RPTOR: variants seen among roughly 807,000 people sequenced by gnomAD.
RPTOR encodes regulatory associated protein of MTOR complex 1, also known as regulatory-associated protein of mTOR.
A neutral mutation model predicts 169.9 loss-of-function variants in RPTOR; 21 were observed. That is an observed-to-expected ratio of 0.12 (90% CI 0.09 to 0.18). The LOEUF (loss-of-function observed/expected upper bound fraction) is 0.18, where lower values mean the gene tolerates loss of function less well. Ranked by LOEUF, RPTOR falls within the 10% of genes least tolerant of loss-of-function variation. The pLI is 1.00. For missense variants in RPTOR, 1,133 were observed against 1,855.9 expected (o/e 0.61, Z 7.16); for synonymous variants, 732 against 753.2 (o/e 0.97, Z 0.46).
chr17:80,916,034 C>T (rs1034243796), intron 21 of RPTOR, among the ~76,000 whole-genome samples: 2 of 152,184 alleles, frequency 1.3e-5, no homozygotes, highest in African/African-American at 4.8e-5. Context: ...CTTCAGCTTG[C>T]TTAACCTCCA....
rs550614039 is a variant in RPTOR at position 80,964,197 on chromosome 17, C to A, written c.3940-65C>A. On this transcript the variant is annotated intron_variant, in intron 33 of 33. Transcript: ENST00000306801. ...CCTAAGGATGCGGGTTGGCCTGCGCCCCCCCGCCCCCCGCAGTGTCTGCCC... is the reference window on the plus strand; with the variant it reads ...CCTAAGGATGCGGGTTGGCCTGCGCACCCCCGCCCCCCGCAGTGTCTGCCC... 75 of 1,117,326 alleles carry A rather than the reference C, an allele frequency of 6.7e-5. No individual in the cohort carries two copies. The South Asian group carries it at 8.6e-4, about 13-fold the overall frequency. 69.2% of individuals were successfully genotyped at this position (1,117,326 alleles called of 1,614,324 possible). A position where few individuals can be genotyped will look rare whatever the true frequency, so the allele number is the denominator to read the frequency against.
chr17:80,737,113 C>T (rs1174443133), intron 5 of RPTOR, among the ~76,000 whole-genome samples: 1 of 152,200 alleles, frequency 6.6e-6, no homozygotes. Flanking sequence ...CTGTTTCCTC[C>T]AGCATAATTT....
intron 1 of RPTOR, among the ~76,000 whole-genome samples, chr17:80,605,886 T>C (rs141890796): frequency 1.9e-4 from 29 of 152,310 alleles, no homozygotes; most frequent in African/African-American, 6.7e-4. Context: ...TAGCTCTGGA[T>C]CTGATTGTCC....
intron 1 of RPTOR, among the ~76,000 whole-genome samples, chr17:80,617,141 A>G (rs907903076): frequency 6.6e-6 from 1 of 152,224 alleles, no homozygotes; most frequent in African/African-American, 2.4e-5. Flanking sequence ...CAGAAGGGCC[A>G]GGTACAAAGA....
rs533055176 is a variant in RPTOR, at chr17:80,899,724, T to C, written c.2401+5859T>C. ...GCGTGTAGGTGAATGAACTTGGCCA[T>C]GTTGCTATGTAACCGTGTGGACTGA... On this transcript the variant is annotated intron_variant, in intron 20 of 33. Coordinates refer to ENST00000306801, the MANE Select transcript of RPTOR (RefSeq NM_020761.3). 3.3e-5 allele frequency among the ~76,000 whole-genome samples: 5 copies of C among 152,374 alleles called. No homozygotes were observed. In the South Asian group the frequency reaches 6.2e-4, roughly 19 times the overall value.
intron 13 of RPTOR, among the ~76,000 whole-genome samples, chr17:80,859,821 C>A (rs951786877): frequency 7.9e-5 from 12 of 152,222 alleles, no homozygotes; most frequent in African/African-American, 2.9e-4. Flanking sequence ...ATTCCTAAGT[C>A]CCCTGTGAAG....
At chr17:80,674,834 C>T (rs1404380248) in intron 3 of RPTOR, among the ~76,000 whole-genome samples, 1 of 137,118 alleles carries the variant, frequency 7.3e-6, no homozygotes, top group Admixed American at 7.4e-5. Flanking sequence ...AACAACTTCT[C>T]AACATAAGGT....
intron 4 of RPTOR, among the ~76,000 whole-genome samples, chr17:80,714,046 C>G (rs1419776653): frequency 6.6e-6 from 1 of 152,120 alleles, no homozygotes; most frequent in Non-Finnish European, 1.5e-5. Context: ...TCAAGCTATT[C>G]TCCTGCCTCA....
chr17:80,911,967 G>A (rs1161396133), intron 21 of RPTOR, among the ~76,000 whole-genome samples: 1 of 152,186 alleles, frequency 6.6e-6, no homozygotes, highest in Admixed American at 6.5e-5. Flanking sequence ...AGGCCTCTCA[G>A]ATGAGCTGAC....
At chr17:80,720,604 A>G (rs1002274261) in intron 4 of RPTOR, among the ~76,000 whole-genome samples, 5 of 152,222 alleles carry the variant, frequency 3.3e-5, no homozygotes, top group African/African-American at 7.2e-5. Context: ...ACTTTAACAA[A>G]CAAATGATTT....
At chr17:80,732,789 A>G (rs543730544) in intron 5 of RPTOR, among the ~76,000 whole-genome samples, 16 of 152,372 alleles carry the variant, frequency 1.1e-4, no homozygotes, top group Admixed American at 2.0e-4. Context: ...TAATTTCACT[A>G]TCTGCTAGAG....
intron 31 of RPTOR, 78 bp from the exon 32 acceptor site, chr17:80,962,383 C>A: frequency 8.6e-7 from 1 of 1,166,228 alleles, no homozygotes. Context: ...ACCCCACACA[C>A]CTGGTTCCAC....
chr17:80,759,135 A>G (rs2066710052), intron 6 of RPTOR, among the ~76,000 whole-genome samples: 1 of 152,044 alleles, frequency 6.6e-6, no homozygotes, highest in Admixed American at 6.6e-5. Context: ...CAGGAGGATC[A>G]CTTGAGCCCA....
Position 80,844,932 on chromosome 17 carries a change from G to A in RPTOR, c.1213-1541G>A, listed in dbSNP as rs952069517. Among the ~76,000 whole-genome samples, 1 of 151,568 alleles carries A rather than the reference G, an allele frequency of 6.6e-6. No homozygotes were observed. The highest frequency in any genetic ancestry group is 2.4e-5 in the African/African-American group (1 of 41,248). On this transcript the variant is annotated intron_variant, in intron 10 of 33. Coordinates refer to ENST00000306801, the MANE Select transcript of RPTOR (RefSeq NM_020761.3). This position sits in a 1 kb window ranked among gnomAD's most constrained non-coding sequence, Gnocchi z 4.7. The stretch of plus-strand genomic sequence containing the variant: ...TTCCCCCCGAGCAAAATCAAACAAC[G>A]TAGGGAAGAGAGGATAGTGGATGGG...
intron 3 of RPTOR, among the ~76,000 whole-genome samples, chr17:80,688,777 T>G (rs2065968096): frequency 6.6e-6 from 1 of 152,230 alleles, no homozygotes; most frequent in Admixed American, 6.5e-5. Flanking sequence ...ACTAGATGTA[T>G]CTCTAGGGCA....
intron 20 of RPTOR, among the ~76,000 whole-genome samples, chr17:80,894,332 C>T (rs2068371652): frequency 6.6e-6 from 1 of 152,228 alleles, no homozygotes; most frequent in Non-Finnish European, 1.5e-5. Context: ...ACAGCCCCCA[C>T]ACAGTGTCCG....
At chr17:80,881,353 G>A (rs2143832333) in intron 14 of RPTOR, among the ~76,000 whole-genome samples, 1 of 152,332 alleles carries the variant, frequency 6.6e-6, no homozygotes, top group Middle Eastern at 3.4e-3. Flanking sequence ...TATCAGTTTT[G>A]GAAACCATCA....
intron 14 of RPTOR, among the ~76,000 whole-genome samples, chr17:80,880,919 G>A (rs77281022): frequency 0.016 from 2,429 of 152,262 alleles, 79 homozygotes; most frequent in African/African-American, 0.055. Context: ...AGGAAGGAAG[G>A]GAGAGAGGAA....
intron 13 of RPTOR, among the ~76,000 whole-genome samples, chr17:80,863,743 C>T (rs2067947292): frequency 6.6e-6 from 1 of 152,126 alleles, no homozygotes. Context: ...ATGGTGAAAC[C>T]TCGACTCCAC....
Sources: allele counts gnomAD v4.1 joint callset (sites outside exome capture counted in the v4.1 genomes callset), GRCh38; gene constraint gnomAD v4.1.1; non-coding constraint Gnocchi (gnomAD v3.1); transcripts MANE v1.5; gene names NCBI Gene and HGNC (gene_info 2026-07-23, HGNC 2026-07-21).